CELF2: variants seen among roughly 807,000 people sequenced by gnomAD.
CELF2 encodes CUGBP Elav-like family member 2, also known as CUG triplet repeat RNA-binding protein 2.
CELF2 carries 8 observed loss-of-function variants against 62.6 expected under a neutral mutation model. That is an observed-to-expected ratio of 0.13 (90% CI 0.07 to 0.23). CELF2 has a LOEUF of 0.23. Among genes scored for constraint, CELF2 ranks in the 10% least tolerant of loss-of-function variants. The pLI is 1.00. For synonymous variants in CELF2, 258 were observed against 250.0 expected (o/e 1.03, Z -0.30); for missense variants, 333 against 671.0 (o/e 0.50, Z 5.56).
intron 1 of CELF2, among the ~76,000 whole-genome samples, chr10:11,109,547 C>T (rs1027812967): frequency 3.3e-5 from 5 of 152,136 alleles, no homozygotes; most frequent in African/African-American, 4.8e-5. Context: ...ATCACAGTGC[C>T]GGTAGTCACA....
chr10:10,994,315 C>T (rs2053727059), intron 2 of CELF2, among the ~76,000 whole-genome samples: 1 of 152,190 alleles, frequency 6.6e-6, no homozygotes, highest in Non-Finnish European at 1.5e-5. Context: ...TGTCAGCTAC[C>T]TGCCACCAAA....
chr10:10,765,558 G>A, the CELF2 span, among the ~76,000 whole-genome samples: 5 of 152,192 alleles, frequency 3.3e-5, no homozygotes, highest in Non-Finnish European at 7.3e-5. Flanking sequence ...GATGCCGTAA[G>A]AGGAAATATA....
chr10:10,541,241 T>TCA, the CELF2 span, among the ~76,000 whole-genome samples: 1 of 12,126 alleles, frequency 8.2e-5, no homozygotes, highest in Admixed American at 1.1e-3. Context: ...AGACCCCATC[T>TCA]CAAAAAAAAA....
Position 11,270,312 on chromosome 10 carries a change from C to T in CELF2, c.619-354C>T, listed in dbSNP as rs550485651. On this transcript the variant is annotated intron_variant, in intron 6 of 12. Transcript: ENST00000633077. This position sits in a 1 kb window ranked among gnomAD's most constrained non-coding sequence, Gnocchi z 5.8. ...CACAAAGCCAAGTCTGTCTTTAAGA[C>T]GAGCAGCCTGAGAAGCTCAATTAAA... Among the ~76,000 whole-genome samples the T allele has an allele frequency of 2.0e-5, 3 of 152,284 alleles. No individual in the cohort carries two copies. The highest frequency in any genetic ancestry group is 2.9e-5 in the Non-Finnish European group (2 of 68,026).
the CELF2 span, among the ~76,000 whole-genome samples, chr10:10,510,715 T>C: frequency 6.6e-6 from 1 of 152,172 alleles, no homozygotes; most frequent in East Asian, 1.9e-4. Flanking sequence ...TATCAGATAA[T>C]GATAAGTGTC....
chr10:11,127,770 T>G (rs2058968668), intron 1 of CELF2, among the ~76,000 whole-genome samples: 1 of 152,338 alleles, frequency 6.6e-6, no homozygotes, highest in African/African-American at 2.4e-5. Context: ...ATTTCTAGAT[T>G]CTGGATATTA....
intron 3 of CELF2, among the ~76,000 whole-genome samples, chr10:11,234,280 G>C (rs947433732): frequency 6.6e-6 from 1 of 152,214 alleles, no homozygotes; most frequent in Admixed American, 6.5e-5. Flanking sequence ...AACATTGTCA[G>C]AGCCCGGCTT....
chr10:10,717,352 G>T, the CELF2 span, among the ~76,000 whole-genome samples: 1 of 151,354 alleles, frequency 6.6e-6, no homozygotes, highest in African/African-American at 2.4e-5. Context: ...TTCCTTTGAG[G>T]AGTCACCAAA....
At chr10:10,994,555 T>C in intron 2 of CELF2, among the ~76,000 whole-genome samples, 1 of 152,250 alleles carries the variant, frequency 6.6e-6, no homozygotes, top group East Asian at 1.9e-4. Flanking sequence ...CTTGCATTAC[T>C]GCTTGAGCTC....
intron 1 of CELF2, among the ~76,000 whole-genome samples, chr10:10,802,392 C>T (rs1445885723): frequency 2.0e-5 from 3 of 152,202 alleles, no homozygotes; most frequent in African/African-American, 4.8e-5. Context: ...ATTGCTTGAA[C>T]CTGGGAGGCA....
chr10:11,120,155 CAG>C (rs1213985353), intron 1 of CELF2, among the ~76,000 whole-genome samples: 1 of 152,136 alleles, frequency 6.6e-6, no homozygotes, highest in Non-Finnish European at 1.5e-5. Flanking sequence ...CGCCAGGTGT[CAG>C]GGGATACTGT....
At chr10:11,265,950 G>A (rs1203277969) in intron 5 of CELF2, among the ~76,000 whole-genome samples, 3 of 152,076 alleles carry the variant, frequency 2.0e-5, no homozygotes, top group South Asian at 2.1e-4. Flanking sequence ...GAATATTCTC[G>A]GAGTAATGGA....
the CELF2 span, among the ~76,000 whole-genome samples, chr10:10,660,089 G>T: frequency 6.6e-6 from 1 of 152,182 alleles, no homozygotes; most frequent in African/African-American, 2.4e-5. Flanking sequence ...CTAGAAGCAG[G>T]AAATGGCAAT....
At chr10:10,845,652 G>T (rs2058967183) in intron 1 of CELF2, among the ~76,000 whole-genome samples, 1 of 152,166 alleles carries the variant, frequency 6.6e-6, no homozygotes, top group Admixed American at 6.5e-5. Flanking sequence ...ATGCATACAT[G>T]TCTCAGAATA....
intron 2 of CELF2, among the ~76,000 whole-genome samples, chr10:11,173,892 T>C (rs2069927512): frequency 6.6e-6 from 1 of 152,206 alleles, no homozygotes; most frequent in South Asian, 2.1e-4. Context: ...TAAGATGATT[T>C]AGCGACAGAT....
At chr10:10,691,517 T>C in the CELF2 span, among the ~76,000 whole-genome samples, 2 of 151,886 alleles carry the variant, frequency 1.3e-5, no homozygotes, top group Non-Finnish European at 2.9e-5. Flanking sequence ...TTTGGGTATA[T>C]ACCCAGTAAT....
At chr10:10,968,989 G>A (rs981606845) in intron 2 of CELF2, among the ~76,000 whole-genome samples, 1 of 152,132 alleles carries the variant, frequency 6.6e-6, no homozygotes, top group Non-Finnish European at 1.5e-5. Context: ...TGTGCAAATG[G>A]GATGAACAAA....
At chr10:10,777,226 C>T in the CELF2 span, among the ~76,000 whole-genome samples, 1 of 152,158 alleles carries the variant, frequency 6.6e-6, no homozygotes, top group Non-Finnish European at 1.5e-5. Context: ...TCGATTGATC[C>T]CCACATTGTC....
At chr10:11,058,575 T>G (rs971809220) in intron 1 of CELF2, among the ~76,000 whole-genome samples, 3 of 148,810 alleles carry the variant, frequency 2.0e-5, no homozygotes, top group Admixed American at 1.3e-4. Context: ...CAAGCGATTC[T>G]CCTGTCTCAG....
Sources: gnomAD v4.1 joint callset for allele counts (sites outside exome capture counted in the v4.1 genomes callset) on GRCh38, gnomAD v4.1.1 for gene constraint, Gnocchi (gnomAD v3.1) non-coding constraint, MANE v1.5 for transcripts, NCBI Gene and HGNC (gene_info 2026-07-23, HGNC 2026-07-21) for gene names.